The following KLF5 variants were observed in gnomAD, a reference collection of about 807,000 sequenced individuals.
The protein encoded by KLF5 is KLF transcription factor 5.
In KLF5, 9 loss-of-function variants were observed where a neutral mutation model predicts 36.9. The ratio of observed to expected loss-of-function variants is 0.24; its 90% CI spans 0.15 to 0.43. The LOEUF (loss-of-function observed/expected upper bound fraction) is 0.43. Ranked by LOEUF, KLF5 falls within the 20% of genes least tolerant of loss-of-function variation. The pLI is 1.00. For missense variants in KLF5, 524 were observed against 599.5 expected (o/e 0.87, Z 1.31); for synonymous variants, 246 against 241.7 (o/e 1.02, Z -0.17).
At chr13:73,068,950 G>T (rs1229549050) in intron 3 of KLF5, among the ~76,000 whole-genome samples, 1 of 151,996 alleles carries the variant, frequency 6.6e-6, no homozygotes, top group East Asian at 1.9e-4. Flanking sequence ...ACAAAAATTA[G>T]CTGGGCATGG....
rs67730943 is a variant in KLF5, at chr13:73,063,983, C to CTTTTTTTTTTTTTTTTT, written c.1195+103_1195+104insTTTTTTTTTTTTTTTTT. The stretch of plus-strand genomic sequence containing the variant: ...CGTGTTTGATCTCTTCTCCTGTCAA[C>CTTTTTTTTTTTTTTTTT]TTTGTTTTTTTTTTTTTTTTTAAAT... On this transcript the variant is annotated intron_variant, in intron 3 of 3. Transcript: ENST00000377687. 7 of 332,714 alleles carry CTTTTTTTTTTTTTTTTT rather than the reference C, an allele frequency of 2.1e-5. 1 individual carries two copies. Among genetic ancestry groups the CTTTTTTTTTTTTTTTTT allele is most frequent in the Non-Finnish European group, 2.6e-5 (5 of 188,724 alleles). The allele number at this position is 332,714 out of a possible 1,614,324, so 20.6% of individuals were successfully genotyped here.
rs2044759481 is a variant in KLF5, at chr13:73,076,119, A to G, written c.*233A>G. ...GTAATGTATATGGCTTTACTCAAGC[A>G]GATCTCATCTCATGACAGGCAGCCA... On this transcript the variant is annotated 3_prime_UTR_variant, in exon 4 of 4. Coordinates refer to ENST00000377687, the MANE Select transcript of KLF5 (RefSeq NM_001730.5). 2.9e-6 allele frequency: 1 copy of G among 348,692 alleles called. No individual in the cohort carries two copies. The highest frequency in any genetic ancestry group is 4.6e-5 in the Admixed American group (1 of 21,732). The allele number at this position is 348,692 out of a possible 1,614,324, so 21.6% of individuals were successfully genotyped here.
intron 3 of KLF5, among the ~76,000 whole-genome samples, chr13:73,068,745 C>G (rs1402537005): frequency 6.6e-6 from 1 of 150,376 alleles, no homozygotes; most frequent in African/African-American, 2.4e-5. Context: ...TAGGTCTTTG[C>G]TCCAAAGTCA....
At position 73,076,175 on chromosome 13, in the gene KLF5, A is replaced by T; in HGVS notation, c.*289A>T. Reference sequence around the variant, plus strand: ...CAACATGGGTAAGGGGTGGGGGTGGAGGGGAGTGTGTGCAGCGTTTTTACC... The same window carrying T: ...CAACATGGGTAAGGGGTGGGGGTGGTGGGGAGTGTGTGCAGCGTTTTTACC... On this transcript the variant is annotated 3_prime_UTR_variant, in exon 4 of 4. Transcript: ENST00000377687. The T allele has an allele frequency of 3.7e-6, 1 of 271,000 alleles. No individual in the cohort carries two copies. The highest frequency in any genetic ancestry group is 6.9e-6 in the Non-Finnish European group (1 of 145,720). 16.8% of individuals were successfully genotyped at this position (271,000 alleles called of 1,614,324 possible). A position where few individuals can be genotyped will look rare whatever the true frequency, so the allele number is the denominator to read the frequency against.
At chr13:73,066,734 TA>T (rs968553729) in intron 3 of KLF5, among the ~76,000 whole-genome samples, 68 of 152,326 alleles carry the variant, frequency 4.5e-4, no homozygotes, top group African/African-American at 1.6e-3. Flanking sequence ...TAGAACTTTT[TA>T]AGTAATCTGA....
In KLF5 at chr13:73,077,206, A is replaced by G. The variant is rs2044770034; in HGVS notation, c.*1320A>G. The G allele has an allele frequency of 6.6e-6, 1 of 152,628 alleles. No individual in the cohort carries two copies. The highest frequency in any genetic ancestry group is 2.4e-5 in the African/African-American group (1 of 41,436). The allele number at this position is 152,628 out of a possible 1,614,324, so 9.5% of individuals were successfully genotyped here. A position where few individuals can be genotyped will look rare whatever the true frequency, so the allele number is the denominator to read the frequency against. ...TTATCTTTATTTATTTTGTGGTAAT[A>G]TAGTAAGTTTTTTTAGAAGACAATT... On this transcript the variant is annotated 3_prime_UTR_variant, in exon 4 of 4. Coordinates refer to ENST00000377687, the MANE Select transcript of KLF5 (RefSeq NM_001730.5).
chr13:73,059,436 G>A lies in KLF5; in HGVS notation c.109G>A (p.Ala37Thr). 2 of 1,296,414 alleles carry A rather than the reference G, an allele frequency of 1.5e-6. No individual in the cohort carries two copies. Among genetic ancestry groups the A allele is most frequent in the Non-Finnish European group, 2.0e-6 (2 of 1,022,730 alleles). 80.3% of individuals were successfully genotyped at this position (1,296,414 alleles called of 1,614,324 possible). ...GCAGCTCAAGCCGGTGCTGGGCGCC[G>A]CGAATCCGGCCCGCGACGCGGCGCT... ...FAQLKPVLGA[A>T]NPARDAALFP... is the part of the protein sequence containing the mutation. The change falls in exon 1 of 4, where the codon GCG becomes ACG. Residue 37 changes from alanine (A) to threonine (T), a missense_variant. By Grantham distance (58) the Ala-to-Thr change is moderately conservative. Around this residue, in one of 4 missense-constraint regions of KLF5, gnomAD observed 454 missense variants for 458.1 expected, o/e 0.99. Transcript: ENST00000377687.
chr13:73,071,325 G>A (rs914891106), intron 3 of KLF5, among the ~76,000 whole-genome samples: 1 of 152,114 alleles, frequency 6.6e-6, no homozygotes, highest in African/African-American at 2.4e-5. Context: ...TTTTGTTTTT[G>A]GCAATCAGCT....
upstream of KLF5, among the ~76,000 whole-genome samples, chr13:73,055,704 A>G (rs1566561363): frequency 1.3e-5 from 2 of 152,200 alleles, no homozygotes; most frequent in Admixed American, 6.5e-5. Context: ...TGACTACCAA[A>G]AAGTCACTTT....
chr13:73,058,505 A>C (rs2044597990), upstream of KLF5, among the ~76,000 whole-genome samples: 1 of 152,240 alleles, frequency 6.6e-6, no homozygotes, highest in Non-Finnish European at 1.5e-5. Flanking sequence ...AGAGAAGTAC[A>C]TTTTGGATAT....
Position 73,062,605 on chromosome 13 carries a change from C to A in KLF5, c.1006C>A (p.Leu336Met), listed in dbSNP as rs756435981. The A allele has an allele frequency of 5.0e-6, 8 of 1,614,222 alleles. No homozygotes were observed. The highest frequency in any genetic ancestry group is 6.8e-6 in the Non-Finnish European group (8 of 1,180,034). Residue 336 changes from leucine to methionine, a missense_variant, in exon 2 of 4, where the codon CTG becomes ATG. Coordinates refer to ENST00000377687, the MANE Select transcript of KLF5 (RefSeq NM_001730.5). ...CTATGCTGCTACAATTGCTTCTAAA[C>A]TGGCAATTCACAATCCAAATTTACC... Reference protein sequence around the residue: ...PSYAATIASKLAIHNPNLPTT... With the variant: ...PSYAATIASKMAIHNPNLPTT...
rs1397094787 is a variant in KLF5 at position 73,077,360 on chromosome 13, A to G, written c.*1474A>G. 1 of 152,674 alleles carries G rather than the reference A, an allele frequency of 6.5e-6. No individual in the cohort carries two copies. Among genetic ancestry groups the G allele is most frequent in the African/African-American group, 2.4e-5 (1 of 41,468 alleles). The allele number at this position is 152,674 out of a possible 1,614,324, so 9.5% of individuals were successfully genotyped here. ...TGTTTATACGTGGAAACACACCTAC[A>G]TGAAAAGCAGAAATCGGTTGCTGTT... On this transcript the variant is annotated 3_prime_UTR_variant, in exon 4 of 4. Transcript: ENST00000377687.
intron 1 of KLF5, 183 bp downstream of exon 1, chr13:73,059,771 A>G (rs2044617610): frequency 2.2e-6 from 1 of 456,752 alleles, no homozygotes; most frequent in Non-Finnish European, 2.7e-6. Flanking sequence ...CGCTGAGAGT[A>G]AATGGGGGGG....
At position 73,075,710 on chromosome 13, in the gene KLF5, GA is replaced by G; in HGVS notation, c.1202del (p.Lys401SerfsTer20). ...ACCTCCTTTGTTCGTTGTCACAGGT[GA>G]AAAGCCATACAAGTGTACCTGGGAA... ...LKAHLRTHTG[E>X]KPYKCTWEGC... On this transcript the variant is annotated frameshift_variant, in exon 4 of 4. Coordinates refer to ENST00000377687, the MANE Select transcript of KLF5 (RefSeq NM_001730.5). LOFTEE classifies it high-confidence loss of function. 1 of 1,589,060 alleles carries G rather than the reference GA, an allele frequency of 6.3e-7. No homozygotes were observed. Among genetic ancestry groups the G allele is most frequent in the Non-Finnish European group, 8.6e-7 (1 of 1,160,836 alleles).
upstream of KLF5, among the ~76,000 whole-genome samples, chr13:73,058,207 A>G (rs2044596132): frequency 6.6e-6 from 1 of 152,260 alleles, no homozygotes; most frequent in Admixed American, 6.5e-5. Context: ...GGCTAGAATC[A>G]ACACGGCTTA....
chr13:73,056,779 C>T (rs1303579445), upstream of KLF5, among the ~76,000 whole-genome samples: 2 of 152,012 alleles, frequency 1.3e-5, no homozygotes, highest in African/African-American at 4.8e-5. Flanking sequence ...ATCTTTATGC[C>T]CAAAATGGAA....
Position 73,065,691 on chromosome 13 carries a change from T to C in KLF5, c.1195+1808T>C, listed in dbSNP as rs75493442. On this transcript the variant is annotated intron_variant, in intron 3 of 3. Coordinates refer to ENST00000377687, the MANE Select transcript of KLF5 (RefSeq NM_001730.5). ...AAAATGTCCTTTTACAGAATATAAA[T>C]GGAAATATAAAGACATTTGAACTAT... Among the ~76,000 whole-genome samples the C allele has an allele frequency of 7.7e-3, 1,170 of 152,314 alleles. 13 individuals are homozygous for C. The highest frequency in any genetic ancestry group is 0.025 in the African/African-American group (1,054 of 41,558).
chr13:73,057,255 C>T (rs1441983517), upstream of KLF5, among the ~76,000 whole-genome samples: 1 of 152,140 alleles, frequency 6.6e-6, no homozygotes, highest in Non-Finnish European at 1.5e-5. Flanking sequence ...AAAAATCTTT[C>T]AAAGCTCAAT....
intron 1 of KLF5, among the ~76,000 whole-genome samples, chr13:73,060,383 C>T (rs1056994301): frequency 1.9e-4 from 29 of 152,120 alleles, no homozygotes; most frequent in African/African-American, 6.5e-4. Context: ...GGAAACATAC[C>T]CACATGCAAA....
Sources: gnomAD v4.1 joint callset for allele counts (sites outside exome capture counted in the v4.1 genomes callset) on GRCh38, gnomAD v4.1.1 for gene constraint, gnomAD v4.1.1 regional missense constraint, MANE v1.5 for transcripts, NCBI Gene and HGNC (gene_info 2026-07-23, HGNC 2026-07-21) for gene names.